The following ZFYVE26 variants were observed in gnomAD, a reference collection of about 807,000 sequenced individuals.
ZFYVE26 encodes the protein zinc finger FYVE-type containing 26, also known as zinc finger FYVE domain-containing protein 26.
ZFYVE26 carries 181 observed loss-of-function variants against 276.5 expected under a neutral mutation model. The ratio of observed to expected loss-of-function variants is 0.65; its 90% CI spans 0.58 to 0.74. The LOEUF is 0.74. Ranked by LOEUF, ZFYVE26 falls within the 30% of genes least tolerant of loss-of-function variation. The pLI, the probability that ZFYVE26 is intolerant of heterozygous loss-of-function variation, is 0.00. For synonymous variants in ZFYVE26, 1,129 were observed against 1,203.1 expected (o/e 0.94, Z 1.27); for missense variants, 2,821 against 3,097.9 (o/e 0.91, Z 2.12).
intron 10 of ZFYVE26, 95 bp downstream of exon 10, chr14:67,801,984 C>T (rs2140246570): frequency 1.4e-6 from 2 of 1,393,742 alleles, no homozygotes; most frequent in East Asian, 4.6e-5. Flanking sequence ...GCCATCACCC[C>T]ACTCCCAATC....
chr14:67,762,306 C>T lies in ZFYVE26; in HGVS notation c.6266G>A (p.Cys2089Tyr). 6.2e-7 allele frequency: 1 copy of T among 1,614,172 alleles called. No homozygotes were observed. The highest frequency in any genetic ancestry group is 1.1e-5 in the South Asian group (1 of 91,084). Residue 2089 changes from cysteine (C) to tyrosine (Y), a missense_variant, in exon 34 of 42, where the codon TGT becomes TAT. Coordinates refer to ENST00000347230, the MANE Select transcript of ZFYVE26 (RefSeq NM_015346.4). ...LTAAREKFSRCLKPPFDLNQL... is the reference protein window; with the variant it reads ...LTAAREKFSRYLKPPFDLNQL... ...ATTGAGGTCAAATGGGGGCTTCAGA[C>T]AGCGACTGAACTTCTCCCGTGCAGC...
intron 11 of ZFYVE26, 129 bp downstream of exon 11, chr14:67,797,885 C>G (rs775546990): frequency 3.8e-6 from 6 of 1,584,136 alleles, no homozygotes; most frequent in African/African-American, 1.3e-5. Context: ...TGTTCTGACA[C>G]TGGTTGCCAT....
intron 37 of ZFYVE26, 74 bp from the exon 38 acceptor site, chr14:67,754,286 C>T (rs140139598): frequency 1.4e-5 from 22 of 1,582,726 alleles, no homozygotes; most frequent in East Asian, 4.5e-5. Flanking sequence ...ACTGAGAAGT[C>T]GAATAATATG....
intron 28 of ZFYVE26, chr14:67,770,266 C>G (rs147373491): frequency 6.1e-6 from 1 of 162,954 alleles, no homozygotes; most frequent in Non-Finnish European, 1.4e-5. Context: ...AAGTTTGAAA[C>G]CAGCCTTGCC....
At chr14:67,784,891 C>T (rs1054173790) in intron 19 of ZFYVE26, among the ~76,000 whole-genome samples, 168 bp downstream of exon 19, 4 of 152,150 alleles carry the variant, frequency 2.6e-5, no homozygotes, top group Admixed American at 2.6e-4. Context: ...TATACTAGCA[C>T]AAAGATGAGT....
chr14:67,793,486 C>T (rs1488681429), intron 14 of ZFYVE26, 122 bp downstream of exon 14: 7 of 1,127,318 alleles, frequency 6.2e-6, no homozygotes, highest in African/African-American at 1.5e-5. Context: ...CCCCCTCTTG[C>T]TTCTGCTTCT....
rs1172354479 is a variant in ZFYVE26, at chr14:67,772,113, C to G, written c.5418G>C (p.Arg1806Ser). Residue 1806 changes from arginine (R) to serine (S), a missense_variant, in exon 28 of 42, where the codon AGG (arginine) becomes AGC (serine). By Grantham distance (110) the Arg-to-Ser change is moderately radical. Transcript: ENST00000347230. ...CAGTCTCATCCGGTACCCACTGGTG[C>G]CTGGCAGGGGGTGTCGCTGGGGGCA... Reference protein sequence around the residue: ...EFVPPATPPARHQWVPDETES... With the variant: ...EFVPPATPPASHQWVPDETES... The G allele has an allele frequency of 6.2e-7, 1 of 1,612,836 alleles. No individual in the cohort carries two copies.
Position 67,789,404 on chromosome 14 carries a change from G to A in ZFYVE26, c.2950C>T (p.Leu984Phe). The A allele has an allele frequency of 6.2e-7, 1 of 1,614,206 alleles. No individual in the cohort carries two copies. Among genetic ancestry groups the A allele is most frequent in the Non-Finnish European group, 8.5e-7 (1 of 1,180,036 alleles). ...AFDLACSQCQ[L>F]WKTCKQLLET... ...AAAAGCTGCTTGCAGGTTTTCCAGAGCTGGCACTGAGAGCAAGCTAGGTCA... is the reference window on the plus strand; with the variant it reads ...AAAAGCTGCTTGCAGGTTTTCCAGAACTGGCACTGAGAGCAAGCTAGGTCA... Residue 984 changes from leucine to phenylalanine, a missense_variant, in exon 16 of 42, where the codon CTC becomes TTC. Transcript: ENST00000347230.
Position 67,750,584 on chromosome 14 carries a change from A to C in ZFYVE26, c.7416+468T>G, listed in dbSNP as rs968800117. ...GACGAGTTCTTTGGCCCCTGAGGAG[A>C]GGTTCATTCTGGAGACCGAGACATT... On this transcript the variant is annotated intron_variant, in intron 41 of 41. Transcript: ENST00000347230. The C allele has an allele frequency of 2.9e-5, 6 of 204,826 alleles. No individual in the cohort carries two copies. The East Asian group carries it at 7.4e-4, about 25-fold the overall frequency. 12.7% of individuals were successfully genotyped at this position (204,826 alleles called of 1,614,324 possible).
chr14:67,774,420 A>C (rs1934296929), intron 27 of ZFYVE26, among the ~76,000 whole-genome samples: 1 of 152,178 alleles, frequency 6.6e-6, no homozygotes, highest in Admixed American at 6.5e-5. Flanking sequence ...AATTGCTTGA[A>C]TCCAGGAGGC....
chr14:67,759,641 T>A (rs1394835460), intron 35 of ZFYVE26, among the ~76,000 whole-genome samples: 15 of 58,322 alleles, frequency 2.6e-4, no homozygotes, highest in African/African-American at 1.7e-4. Context: ...AAAAAAAAAG[T>A]GCATGGTATA....
intron 28 of ZFYVE26, chr14:67,770,106 C>T: frequency 3.3e-6 from 1 of 301,226 alleles, no homozygotes; most frequent in Non-Finnish European, 6.5e-6. Flanking sequence ...TTTCAAAATG[C>T]CTTTATTTGT....
rs143747540 is a variant in ZFYVE26, at chr14:67,785,889, A to G, written c.3273T>C (p.Leu1091=). The G allele has an allele frequency of 2.5e-6, 4 of 1,614,042 alleles. No homozygotes were observed. The African/African-American group carries it at 4.0e-5, about 16-fold the overall frequency. The change falls in exon 18 of 42, where the codon CTT becomes CTC. Residue 1091 remains leucine, a synonymous_variant. Coordinates refer to ENST00000347230, the MANE Select transcript of ZFYVE26 (RefSeq NM_015346.4). The stretch of plus-strand genomic sequence containing the variant: ...GCTCTAGTGCCTCTCTCAGTGACTG[A>G]AGGACCTGATCTAGCTGCTGGGAGA... ...TTLSQQLDQV[L]QSLREALELP... is the part of the protein sequence containing the mutation.
rs925671525 is a variant in ZFYVE26 at position 67,793,753 on chromosome 14, C to T, written c.2408G>A (p.Ser803Asn). Residue 803 changes from serine to asparagine, a missense_variant, in exon 14 of 42, where the codon AGT becomes AAT. Ser to Asn is a conservative substitution (Grantham distance 46). Transcript: ENST00000347230. ...ATTCCGGCCAGACATGGCACTCAGA[C>T]TTCCCTCTGTTGGGACACAAGAATG... The part of the protein sequence containing the change: ...SELSTSTSEG[S>N]LSAMSGRNEL... 1 of 1,613,900 alleles carries T rather than the reference C, an allele frequency of 6.2e-7. No individual in the cohort carries two copies. Among genetic ancestry groups the T allele is most frequent in the Admixed American group, 1.7e-5 (1 of 60,016 alleles).
At chr14:67,758,421 T>C (rs916015802) in intron 35 of ZFYVE26, among the ~76,000 whole-genome samples, 3 of 152,146 alleles carry the variant, frequency 2.0e-5, no homozygotes, top group African/African-American at 7.2e-5. Flanking sequence ...TCATTCATAA[T>C]TGGTACTAGG....
chr14:67,805,601 CA>C lies in ZFYVE26; in HGVS notation c.1034del (p.Leu345CysfsTer2). On this transcript the variant is annotated frameshift_variant, in exon 7 of 42. Coordinates refer to ENST00000347230, the MANE Select transcript of ZFYVE26 (RefSeq NM_015346.4). LOFTEE classifies it high-confidence loss of function. ...GATTTGGGAAGTCTTCTTCTTTCAA[CA>C]ATGTTAGTGCTGTTACCTGTAAGTC... ...LEQILVTALT[L>X]LKEEDFPNLG... 1.9e-6 allele frequency: 3 copies of C among 1,614,112 alleles called. No individual in the cohort carries two copies. Among genetic ancestry groups the C allele is most frequent in the Non-Finnish European group, 1.7e-6 (2 of 1,180,030 alleles).
intron 27 of ZFYVE26, among the ~76,000 whole-genome samples, chr14:67,773,622 A>C (rs868598882): frequency 4.6e-5 from 7 of 151,566 alleles, no homozygotes; most frequent in African/African-American, 1.7e-4. Context: ...ATTTATACAG[A>C]TGCATGAAGC....
chr14:67,761,249 C>T (rs2038919281), intron 35 of ZFYVE26, 117 bp downstream of exon 35: 1 of 938,524 alleles, frequency 1.1e-6, no homozygotes, highest in Non-Finnish European at 1.7e-6. Flanking sequence ...CTAGAGATGG[C>T]CCCATAGCTC....
intron 27 of ZFYVE26, 56 bp downstream of exon 27, chr14:67,774,960 G>T: frequency 1.1e-5 from 13 of 1,221,402 alleles, no homozygotes; most frequent in Non-Finnish European, 1.5e-5. Flanking sequence ...CTGAAGGATA[G>T]AATAAGGCAA....
Sources: gnomAD v4.1 joint callset for allele counts (sites outside exome capture counted in the v4.1 genomes callset) on GRCh38, gnomAD v4.1.1 for gene constraint, MANE v1.5 for transcripts, NCBI Gene and HGNC (gene_info 2026-07-23, HGNC 2026-07-21) for gene names.